ST6GALNAC3: variants seen among roughly 807,000 people sequenced by gnomAD.
The protein encoded by ST6GALNAC3 is ST6 N-acetylgalactosaminide alpha-2,6-sialyltransferase 3, also known as alpha-N-acetylgalactosaminide alpha-2,6-sialyltransferase 3.
ST6GALNAC3 carries 25 observed loss-of-function variants against 32.7 expected under a neutral mutation model. The ratio of observed to expected loss-of-function variants is 0.76; its 90% confidence interval spans 0.56 to 1.07. The LOEUF is 1.07. Among genes scored for constraint, ST6GALNAC3 ranks in the 50% least tolerant of loss-of-function variants. The pLI is 0.00. For synonymous variants in ST6GALNAC3, 129 were observed against 133.1 expected, an observed-to-expected ratio of 0.97 and a Z score of 0.21; for missense variants, 355 against 382.4, an observed-to-expected ratio of 0.93 and a Z score of 0.60.
intron 3 of ST6GALNAC3, among the ~76,000 whole-genome samples, chr1:76,455,884 T>C (rs1473230651): frequency 6.6e-6 from 1 of 152,154 alleles, no homozygotes; most frequent in Non-Finnish European, 1.5e-5. Context: ...GAAAGAATTA[T>C]TTATGTAAAA....
In ST6GALNAC3 at chr1:76,628,609, T is replaced by G; in HGVS notation, c.732-11T>G. ...AATCTTTCTCTCCTTTTCTTTTTTTTTCTTTTCTAGGACAGAAGGGTATAG... is the reference window on the plus strand; with the variant it reads ...AATCTTTCTCTCCTTTTCTTTTTTTGTCTTTTCTAGGACAGAAGGGTATAG... On this transcript the variant is annotated splice_polypyrimidine_tract_variant and intron_variant, in intron 4 of 4. Transcript: ENST00000328299. 6.4e-7 allele frequency: 1 copy of G among 1,563,488 alleles called. No individual in the cohort carries two copies. The highest frequency in any genetic ancestry group is 8.6e-7 in the Non-Finnish European group (1 of 1,163,422).
intron 2 of ST6GALNAC3, among the ~76,000 whole-genome samples, chr1:76,347,698 T>C (rs1196787386): frequency 1.3e-5 from 2 of 152,138 alleles, no homozygotes; most frequent in Admixed American, 6.6e-5. Context: ...AGGTATAACA[T>C]AGTGTTTAAG....
chr1:76,624,565 A>G (rs1312548331), intron 3 of ST6GALNAC3, among the ~76,000 whole-genome samples: 2 of 152,004 alleles, frequency 1.3e-5, no homozygotes, highest in Admixed American at 6.6e-5. Flanking sequence ...TGGGGATATC[A>G]TATTATCTTT....
chr1:76,627,676 G>C lies in ST6GALNAC3; in HGVS notation c.731+117G>C, dbSNP rs1283106734. On this transcript the variant is annotated intron_variant, in intron 4 of 4. Coordinates refer to ENST00000328299, the MANE Select transcript of ST6GALNAC3 (RefSeq NM_152996.4). ...CAGATAAAGCAACAATTATTTCCCA[G>C]TGTTCTTTGCTGACATGACATTTTA... The C allele has an allele frequency of 1.5e-5, 13 of 863,100 alleles. No individual in the cohort carries two copies. The East Asian group carries it at 3.2e-4, about 21-fold the overall frequency. The allele number at this position is 863,100 out of a possible 1,614,324, so 53.5% of individuals were successfully genotyped here. A position where few individuals can be genotyped will look rare whatever the true frequency, so the allele number is the denominator to read the frequency against.
At chr1:76,410,002 A>G (rs1456567102) in intron 2 of ST6GALNAC3, among the ~76,000 whole-genome samples, 2 of 152,106 alleles carry the variant, frequency 1.3e-5, no homozygotes, top group Admixed American at 6.6e-5. Context: ...GGTCCACATC[A>G]CTATCCTCTC....
intron 1 of ST6GALNAC3, among the ~76,000 whole-genome samples, chr1:76,094,881 C>A (rs527850263): frequency 1.3e-5 from 2 of 151,942 alleles, no homozygotes; most frequent in East Asian, 3.9e-4. Context: ...CCCCCACCCC[C>A]CACCGTTCCT....
chr1:76,389,011 C>CTTTTTTTTTTTTTTTTTTTTT lies in ST6GALNAC3; in HGVS notation c.214-22997_214-22996insTTTTTTTTTTTTTTTTTTTTT, dbSNP rs138986165. ...GGTGTGGTTGTTAGTTGGTATATTT[C>CTTTTTTTTTTTTTTTTTTTTT]CTTTTTTTTTTTTTTTTGAGACAGA... On this transcript the variant is annotated intron_variant, in intron 2 of 4. Transcript: ENST00000328299. 1.2e-4 allele frequency among the ~76,000 whole-genome samples: 13 copies of CTTTTTTTTTTTTTTTTTTTTT among 107,910 alleles called. 5 individuals are homozygous for CTTTTTTTTTTTTTTTTTTTTT. Among genetic ancestry groups the CTTTTTTTTTTTTTTTTTTTTT allele is most frequent in the Non-Finnish European group, 1.1e-4 (6 of 56,182 alleles). 70.8% of individuals were successfully genotyped at this position (107,910 alleles called of 152,430 possible).
chr1:76,193,739 G>C (rs1654039978), intron 1 of ST6GALNAC3, among the ~76,000 whole-genome samples: 1 of 152,122 alleles, frequency 6.6e-6, no homozygotes, highest in African/African-American at 2.4e-5. Context: ...AGACTAGGTG[G>C]CTTAAACAAC....
At position 76,525,787 on chromosome 1, in the gene ST6GALNAC3, GTGTGTATATATA is replaced by G. The variant is rs1328102461; in HGVS notation, c.624-101663_624-101652del. Among the ~76,000 whole-genome samples, 165 of 71,418 alleles carry G rather than the reference GTGTGTATATATA, an allele frequency of 2.3e-3. 5 individuals are homozygous for G. In the East Asian group the frequency reaches 0.069, roughly 30 times the overall value. 46.9% of individuals were successfully genotyped at this position (71,418 alleles called of 152,430 possible). ...TATGTGTGTTTGTGTGTGTGTGTGT[GTGTGTATATATA>G]TATATATATATATATATATATATAT... is the stretch of plus-strand genomic sequence containing the variant. On this transcript the variant is annotated intron_variant, in intron 3 of 4. Coordinates refer to ENST00000328299, the MANE Select transcript of ST6GALNAC3 (RefSeq NM_152996.4).
chr1:76,284,046 C>T (rs922036876), intron 1 of ST6GALNAC3, among the ~76,000 whole-genome samples: 3 of 140,092 alleles, frequency 2.1e-5, no homozygotes, highest in African/African-American at 8.1e-5. Context: ...ATGGAAATGC[C>T]GGAGAACTGA....
chr1:76,159,504 G>A (rs1429485678), intron 1 of ST6GALNAC3, among the ~76,000 whole-genome samples: 1 of 152,178 alleles, frequency 6.6e-6, no homozygotes, highest in Non-Finnish European at 1.5e-5. Context: ...GTCAGTTTCT[G>A]ACCTGCCTTC....
At chr1:76,560,192 G>A (rs1665164763) in intron 3 of ST6GALNAC3, among the ~76,000 whole-genome samples, 1 of 151,986 alleles carries the variant, frequency 6.6e-6, no homozygotes. Flanking sequence ...AAATCAAAAT[G>A]GATTTAAGAC....
intron 3 of ST6GALNAC3, among the ~76,000 whole-genome samples, chr1:76,552,850 T>C (rs1390337223): frequency 2.0e-5 from 3 of 152,212 alleles, no homozygotes; most frequent in African/African-American, 7.2e-5. Context: ...CATTATTAGG[T>C]TTGATTCTTG....
At chr1:76,513,516 T>C (rs1243727968) in intron 3 of ST6GALNAC3, among the ~76,000 whole-genome samples, 1 of 152,194 alleles carries the variant, frequency 6.6e-6, no homozygotes, top group East Asian at 1.9e-4. Context: ...AGTACCATAA[T>C]GTCTTGGTAC....
At position 76,223,355 on chromosome 1, in the gene ST6GALNAC3, A is replaced by G. The variant is rs576590889; in HGVS notation, c.19-90450A>G. ...TGGGAGCTAAACAGTGAGAACACAT[A>G]AACGCGAACACAAAGAGAAGAACAA... On this transcript the variant is annotated intron_variant, in intron 1 of 4. Coordinates refer to ENST00000328299, the MANE Select transcript of ST6GALNAC3 (RefSeq NM_152996.4). Among the ~76,000 whole-genome samples the G allele has an allele frequency of 8.3e-4, 127 of 152,266 alleles. 1 individual carries two copies. Among genetic ancestry groups the G allele is most frequent in the African/African-American group, 2.9e-3 (120 of 41,580 alleles).
intron 1 of ST6GALNAC3, among the ~76,000 whole-genome samples, chr1:76,242,419 G>T (rs947661520): frequency 2.0e-5 from 3 of 151,846 alleles, no homozygotes; most frequent in Admixed American, 1.3e-4. Flanking sequence ...GGGTGATGTT[G>T]CCAGATACCT....
intron 3 of ST6GALNAC3, among the ~76,000 whole-genome samples, chr1:76,433,468 A>C (rs892386605): frequency 6.6e-6 from 1 of 152,172 alleles, no homozygotes; most frequent in Non-Finnish European, 1.5e-5. Context: ...TGTTTTCTGA[A>C]ATTGTTTCAT....
intron 2 of ST6GALNAC3, among the ~76,000 whole-genome samples, chr1:76,326,597 C>T (rs72675981): frequency 0.035 from 5,242 of 151,740 alleles, 129 homozygotes; most frequent in South Asian, 0.084. Flanking sequence ...CTAAAAAAGA[C>T]TATGAATGTA....
chr1:76,413,230 C>T (rs1348407868), intron 3 of ST6GALNAC3, among the ~76,000 whole-genome samples: 2 of 151,950 alleles, frequency 1.3e-5, no homozygotes, highest in Admixed American at 6.6e-5. Flanking sequence ...AGAAAGATAA[C>T]TATTAAAACA....
Sources: allele counts gnomAD v4.1 joint callset (sites outside exome capture counted in the v4.1 genomes callset), GRCh38; gene constraint gnomAD v4.1.1; transcripts MANE v1.5; gene names NCBI Gene and HGNC (gene_info 2026-07-23, HGNC 2026-07-21).